The following BST1 variants were observed in gnomAD, a reference collection of about 807,000 sequenced individuals.
BST1 encodes ADP-ribosyl cyclase/cyclic ADP-ribose hydrolase 2.
In BST1, 49 loss-of-function variants were observed where a neutral mutation model predicts 40.6. The ratio of observed to expected loss-of-function variants is 1.21; its 90% CI spans 0.96 to 1.53. The LOEUF (loss-of-function observed/expected upper bound fraction) is 1.53. BST1 is among the 40% of genes most tolerant of loss of function. The pLI is 0.00. For synonymous variants in BST1, 157 were observed against 159.3 expected, an observed-to-expected ratio of 0.99 and a Z score of 0.11; for missense variants, 423 against 395.9, an observed-to-expected ratio of 1.07 and a Z score of -0.58.
exon 7 of BST1, chr4:15,738,161 C>T: frequency 4.9e-6 from 1 of 202,536 alleles, no homozygotes; most frequent in Non-Finnish European, 1.0e-5. Flanking sequence ...GTGACAAATG[C>T]ACCACTCCAC....
chr4:15,765,214 G>A, the BST1 span, among the ~76,000 whole-genome samples: 2 of 151,904 alleles, frequency 1.3e-5, no homozygotes, highest in African/African-American at 2.4e-5. Flanking sequence ...TTCTCCACTT[G>A]GTAAACGACA....
Position 15,703,098 on chromosome 4 carries a change from G to A in BST1, c.-47G>A, listed in dbSNP as rs1455965845. ...GCGGAACCGCCTTGGTAGAAGGAGA[G>A]AAGGGGAGTGGAGGAAGCACGGGAC... is the stretch of plus-strand genomic sequence containing the variant. On this transcript the variant is annotated 5_prime_UTR_variant, in exon 1 of 9. Coordinates refer to ENST00000265016, the MANE Select transcript of BST1 (RefSeq NM_004334.3). 11 of 1,529,814 alleles carry A rather than the reference G, an allele frequency of 7.2e-6. No homozygotes were observed. The highest frequency in any genetic ancestry group is 9.6e-6 in the Non-Finnish European group (11 of 1,146,454). The allele number at this position is 1,529,814 out of a possible 1,614,324, so 94.8% of individuals were successfully genotyped here.
At chr4:15,756,093 GA>G in the BST1 span, among the ~76,000 whole-genome samples, 1 of 151,868 alleles carries the variant, frequency 6.6e-6, no homozygotes, top group Non-Finnish European at 1.5e-5. Flanking sequence ...CATGGAATTT[GA>G]AAAAATAAAA....
At chr4:15,738,191 C>A (rs1721638108) in exon 7 of BST1, 1 of 180,658 alleles carries the variant, frequency 5.5e-6, no homozygotes, top group Non-Finnish European at 1.2e-5. Context: ...GGGGATGCTG[C>A]CAGTGGGGGA....
At chr4:15,704,500 T>C (rs1166778917) in intron 1 of BST1, among the ~76,000 whole-genome samples, 1 of 148,276 alleles carries the variant, frequency 6.7e-6, no homozygotes, top group African/African-American at 2.5e-5. Flanking sequence ...GTGTGTAGTC[T>C]AGAGGTGACA....
the BST1 span, among the ~76,000 whole-genome samples, chr4:15,766,330 GGT>G: frequency 6.6e-6 from 1 of 152,040 alleles, no homozygotes; most frequent in African/African-American, 2.4e-5. Context: ...GGATGAGGGA[GGT>G]GGGGCAGTGG....
At chr4:15,765,624 A>G in the BST1 span, among the ~76,000 whole-genome samples, 1 of 151,638 alleles carries the variant, frequency 6.6e-6, no homozygotes, top group East Asian at 1.9e-4. Context: ...CTGTTACTTG[A>G]CCTCTGCTGT....
chr4:15,717,310 C>T (rs1220483925), intron 6 of BST1, among the ~76,000 whole-genome samples: 2 of 152,142 alleles, frequency 1.3e-5, no homozygotes, highest in East Asian at 3.9e-4. Flanking sequence ...TGCTCATTTC[C>T]TCCCTGTACA....
At chr4:15,766,388 A>T in the BST1 span, among the ~76,000 whole-genome samples, 1 of 151,894 alleles carries the variant, frequency 6.6e-6, no homozygotes, top group Non-Finnish European at 1.5e-5. Flanking sequence ...GTCAGACCTA[A>T]GGGAGGATGT....
At chr4:15,767,832 G>T in the BST1 span, among the ~76,000 whole-genome samples, 11 of 151,850 alleles carry the variant, frequency 7.2e-5, no homozygotes, top group South Asian at 4.2e-4. Flanking sequence ...TGTTGGCCAG[G>T]CTGGTCTCGA....
At chr4:15,734,070 T>C (rs1462932690), downstream of BST1, among the ~76,000 whole-genome samples, 4 of 152,160 alleles carry the variant, frequency 2.6e-5, no homozygotes, top group African/African-American at 9.7e-5. Flanking sequence ...GAAACCCAAA[T>C]GTGAGAGCTG....
At chr4:15,750,460 A>G in the BST1 span, among the ~76,000 whole-genome samples, 1 of 152,232 alleles carries the variant, frequency 6.6e-6, no homozygotes, top group Non-Finnish European at 1.5e-5. Context: ...GACTTTTAAT[A>G]TGTCTCTGCT....
chr4:15,743,794 G>GTCC, the BST1 span, among the ~76,000 whole-genome samples: 1 of 152,188 alleles, frequency 6.6e-6, no homozygotes, highest in Non-Finnish European at 1.5e-5. Flanking sequence ...TTTTCTGTTG[G>GTCC]TGTGAGTCAT....
chr4:15,762,279 C>A, the BST1 span, among the ~76,000 whole-genome samples: 1 of 141,574 alleles, frequency 7.1e-6, no homozygotes, highest in East Asian at 2.1e-4. Context: ...ATACAACTTT[C>A]TTTTATACAC....
chr4:15,772,245 G>A, the BST1 span, among the ~76,000 whole-genome samples: 1 of 152,262 alleles, frequency 6.6e-6, no homozygotes, highest in African/African-American at 2.4e-5. Flanking sequence ...ATTCCTAATG[G>A]TTCAGTTTCA....
chr4:15,768,105 G>A, the BST1 span, among the ~76,000 whole-genome samples: 1 of 152,188 alleles, frequency 6.6e-6, no homozygotes. Context: ...GACACCTGTT[G>A]GGACCTGACC....
intron 7 of BST1, among the ~76,000 whole-genome samples, chr4:15,722,044 A>G (rs758933266): frequency 1.6e-4 from 25 of 151,868 alleles, no homozygotes; most frequent in Non-Finnish European, 3.4e-4. Context: ...GGTGGCTTGG[A>G]ACTTCACATC....
the BST1 span, among the ~76,000 whole-genome samples, chr4:15,764,641 A>G: frequency 6.6e-6 from 1 of 151,964 alleles, no homozygotes; most frequent in Non-Finnish European, 1.5e-5. Context: ...ATATATATTC[A>G]GCATCTATTC....
At chr4:15,772,596 G>GGGGC in the BST1 span, among the ~76,000 whole-genome samples, 2 of 152,210 alleles carry the variant, frequency 1.3e-5, no homozygotes, top group Non-Finnish European at 2.9e-5. Flanking sequence ...GGGCTAGGGG[G>GGGGC]TCCAGACCAG....
Sources: gnomAD v4.1 joint callset for allele counts (sites outside exome capture counted in the v4.1 genomes callset) on GRCh38, gnomAD v4.1.1 for gene constraint, MANE v1.5 for transcripts, NCBI Gene and HGNC (gene_info 2026-07-23, HGNC 2026-07-21) for gene names.